Variants in TNIK observed in about 807,000 individuals in gnomAD.
TNIK encodes the protein TRAF2 and NCK-interacting protein kinase.
In TNIK, 49 loss-of-function variants were observed where a neutral mutation model predicts 191.3. That is an observed-to-expected ratio of 0.26 (90% CI 0.20 to 0.32). The LOEUF (loss-of-function observed/expected upper bound fraction) is 0.32, where lower values mean the gene tolerates loss of function less well. Ranked by LOEUF, TNIK falls within the 10% of genes least tolerant of loss-of-function variation. The probability of loss-of-function intolerance (pLI) is 1.00; values close to 1 mark genes in which losing one functional copy is unlikely to be tolerated. For missense variants in TNIK, 1,155 were observed against 1,702.3 expected, an observed-to-expected ratio of 0.68 and a Z score of 5.66; for synonymous variants, 594 against 600.9, an observed-to-expected ratio of 0.99 and a Z score of 0.17.
chr3:171,452,991 T>C (rs74638353), intron 1 of TNIK, among the ~76,000 whole-genome samples: 5,240 of 152,206 alleles, frequency 0.034, 340 homozygotes, highest in African/African-American at 0.12. Flanking sequence ...CCAGGAGTCA[T>C]GCAACCTAGA....
At chr3:171,429,734 T>C (rs1725120525) in intron 1 of TNIK, among the ~76,000 whole-genome samples, 1 of 152,176 alleles carries the variant, frequency 6.6e-6, no homozygotes, top group African/African-American at 2.4e-5. Flanking sequence ...CACAATTCCC[T>C]CTCTGGTTGT....
At chr3:171,147,039 A>G (rs1030859573) in intron 12 of TNIK, among the ~76,000 whole-genome samples, 13 of 152,214 alleles carry the variant, frequency 8.5e-5, no homozygotes, top group Non-Finnish European at 4.4e-5. Flanking sequence ...GTTATGCTAC[A>G]TTGCAAAGCA....
chr3:171,405,754 G>T (rs1011093190), intron 1 of TNIK, among the ~76,000 whole-genome samples: 1 of 152,134 alleles, frequency 6.6e-6, no homozygotes, highest in African/African-American at 2.4e-5. Flanking sequence ...TTAATCTCCA[G>T]AAGTAAGAGT....
At chr3:171,247,358 C>T (rs1405907308) in intron 2 of TNIK, among the ~76,000 whole-genome samples, 2 of 152,226 alleles carry the variant, frequency 1.3e-5, no homozygotes, top group Admixed American at 1.3e-4. Flanking sequence ...GTAGAATCAA[C>T]AGGACATGTA....
rs543924523 is a variant in TNIK at position 171,354,141 on chromosome 3, A to ATT, written c.123+15477_123+15478dup. ...AGAACTCAGCACAAACACCAAATTC[A>ATT]TTATATATATGTAATATATATGTAG... On this transcript the variant is annotated intron_variant, in intron 2 of 32. Coordinates refer to ENST00000436636, the MANE Select transcript of TNIK (RefSeq NM_015028.4). 1.4e-4 allele frequency among the ~76,000 whole-genome samples: 21 copies of ATT among 152,302 alleles called. No homozygotes were observed. The East Asian group carries it at 3.1e-3, about 22-fold the overall frequency.
chr3:171,411,698 A>T (rs572195874), intron 1 of TNIK, among the ~76,000 whole-genome samples: 1 of 152,328 alleles, frequency 6.6e-6, no homozygotes, highest in African/African-American at 2.4e-5. Context: ...GGTTATTTTA[A>T]ATCAGGATGA....
intron 1 of TNIK, among the ~76,000 whole-genome samples, chr3:171,405,677 A>C (rs1395520926): frequency 2.0e-5 from 3 of 152,246 alleles, no homozygotes; most frequent in Admixed American, 2.0e-4. Flanking sequence ...TAGCCAATGC[A>C]TAAGACTGAT....
chr3:171,181,094 G>A (rs1420706323), intron 7 of TNIK, among the ~76,000 whole-genome samples: 2 of 152,156 alleles, frequency 1.3e-5, no homozygotes, highest in African/African-American at 2.4e-5. Context: ...CTCCCACCTC[G>A]GGTTCTCAAA....
chr3:171,396,589 G>A (rs577426539), intron 1 of TNIK, among the ~76,000 whole-genome samples: 2 of 152,234 alleles, frequency 1.3e-5, no homozygotes, highest in Admixed American at 1.3e-4. Flanking sequence ...GTGACTTATG[G>A]TGCTAAACCA....
chr3:171,133,689 A>G (rs1560161232), intron 15 of TNIK, among the ~76,000 whole-genome samples: 1 of 152,216 alleles, frequency 6.6e-6, no homozygotes, highest in Non-Finnish European at 1.5e-5. Flanking sequence ...AGAGATATGC[A>G]GAAATGGAGG....
chr3:171,107,793 A>G (rs2108490611), intron 20 of TNIK, among the ~76,000 whole-genome samples: 1 of 152,342 alleles, frequency 6.6e-6, no homozygotes, highest in South Asian at 2.1e-4. Context: ...GTTGCTGAGT[A>G]GAAATTATGG....
At position 171,369,682 on chromosome 3, in the gene TNIK, G is replaced by T; in HGVS notation, c.61C>A (p.Pro21Thr). 6.4e-7 allele frequency: 1 copy of T among 1,560,234 alleles called. No homozygotes were observed. Among genetic ancestry groups the T allele is most frequent in the Non-Finnish European group, 8.7e-7 (1 of 1,150,900 alleles). The change falls in exon 2 of 33, where the codon CCC becomes ACC. Residue 21 changes from proline to threonine, a missense_variant. By Grantham distance (38) the Pro-to-Thr change is conservative (BLOSUM62 -1). Transcript: ENST00000436636. ...DEIDLSALRD[P>T]AGIFELVELV... ...TCCACCAATTCAAAGATCCCTGCGG[G>T]GTCCTGAAAGAAAATAAACAAACAA...
intron 2 of TNIK, among the ~76,000 whole-genome samples, chr3:171,358,355 G>A (rs1714461183): frequency 6.6e-6 from 1 of 152,164 alleles, no homozygotes; most frequent in African/African-American, 2.4e-5. Flanking sequence ...AAGTGAATGA[G>A]GAGCGAAGTC....
rs1737678780 is a variant in TNIK, at chr3:171,188,831, C to T, written c.510G>A (p.Val170=). 6.2e-7 allele frequency: 1 copy of T among 1,612,478 alleles called. No individual in the cohort carries two copies. Among genetic ancestry groups the T allele is most frequent in the African/African-American group, 1.3e-5 (1 of 74,846 alleles). ...LLTENAEVKL[V]DFGVSAQLDR... The stretch of plus-strand genomic sequence containing the variant: ...CAAGCTGAGCACTGACTCCAAAGTC[C>T]ACTATTTAAGAAAAGACAAGTAAAT... Residue 170 remains valine (V), a splice_region_variant and synonymous_variant, in exon 7 of 33, where the codon GTG becomes GTA. Transcript: ENST00000436636.
In TNIK at chr3:171,120,481, C is replaced by T. The variant is rs559751240; in HGVS notation, c.2120+3115G>A. ...GACTACAGGCGCCTGCCACCATGCT[C>T]GACTAATTTTTGTATTTTTAGTAGA... On this transcript the variant is annotated intron_variant, in intron 18 of 32. Transcript: ENST00000436636. Among the ~76,000 whole-genome samples the T allele has an allele frequency of 4.6e-5, 7 of 152,050 alleles. No individual in the cohort carries two copies. The South Asian group carries it at 6.2e-4, about 14-fold the overall frequency.
At chr3:171,223,015 A>G (rs1330072687) in intron 3 of TNIK, among the ~76,000 whole-genome samples, 2 of 152,222 alleles carry the variant, frequency 1.3e-5, no homozygotes, top group African/African-American at 4.8e-5. Flanking sequence ...TGTTCTACTG[A>G]GAAAACTAAA....
At chr3:171,407,614 C>G (rs1231684379) in intron 1 of TNIK, among the ~76,000 whole-genome samples, 2 of 152,220 alleles carry the variant, frequency 1.3e-5, no homozygotes, top group Non-Finnish European at 2.9e-5. Flanking sequence ...CAGCACCAGA[C>G]AAACACTTTA....
At chr3:171,406,367 C>T (rs764361972) in intron 1 of TNIK, among the ~76,000 whole-genome samples, 4 of 152,238 alleles carry the variant, frequency 2.6e-5, no homozygotes, top group South Asian at 2.1e-4. Context: ...ACCCAGAGCT[C>T]GGAGGCCATG....
chr3:171,406,259 T>C (rs73048525), intron 1 of TNIK, among the ~76,000 whole-genome samples: 24,136 of 151,976 alleles, frequency 0.16, 2,106 homozygotes, highest in South Asian at 0.31. Flanking sequence ...GCTAGTCCAC[T>C]CTACTGCCTC....
Sources: gnomAD v4.1 joint callset for allele counts (sites outside exome capture counted in the v4.1 genomes callset) on GRCh38, gnomAD v4.1.1 for gene constraint, MANE v1.5 for transcripts, NCBI Gene and HGNC (gene_info 2026-07-23, HGNC 2026-07-21) for gene names.